Variants in SEC31A observed in about 807,000 individuals in gnomAD.
SEC31A encodes SEC31 homolog A, COPII component.
Under a neutral mutation model 151.0 loss-of-function variants are expected in SEC31A, and 70 were observed. The observed-to-expected ratio is 0.46, with a 90% confidence interval of 0.38 to 0.57. The LOEUF (loss-of-function observed/expected upper bound fraction) is 0.57, where lower values mean the gene tolerates loss of function less well. Ranked by LOEUF, SEC31A falls within the 20% of genes least tolerant of loss-of-function variation. The pLI is 0.00. For missense variants in SEC31A, 1,330 were observed against 1,471.2 expected, an observed-to-expected ratio of 0.90 and a Z score of 1.57; for synonymous variants, 475 against 505.9, an observed-to-expected ratio of 0.94 and a Z score of 0.82.
chr4:82,849,570 T>C (rs4267725), intron 19 of SEC31A, among the ~76,000 whole-genome samples: 146,657 of 147,082 alleles, frequency 1, 73,117 homozygotes, highest in Non-Finnish European at 1. Context: ...GCTGAGAACA[T>C]ACCACTGCAC....
intron 10 of SEC31A, among the ~76,000 whole-genome samples, 175 bp downstream of exon 10, chr4:82,866,633 A>G (rs540409514): frequency 2.0e-4 from 31 of 152,372 alleles, no homozygotes; most frequent in African/African-American, 7.2e-4. Context: ...AAAAAGGGAA[A>G]AAAAAGAGTA....
chr4:82,837,197 ATAATT>A lies in SEC31A; in HGVS notation c.2968+4938_2968+4942del, dbSNP rs1489688811. On this transcript the variant is annotated intron_variant, in intron 22 of 26. Transcript: ENST00000395310. ...TATATATATATATATATATATATAT[ATAATT>A]TCACCACAATAAAAACTTTAATGCA... Among the ~76,000 whole-genome samples, 7 of 55,692 alleles carry A rather than the reference ATAATT, an allele frequency of 1.3e-4. No homozygotes were observed. In the South Asian group the frequency reaches 1.9e-3, roughly 15 times the overall value. The allele number at this position is 55,692 out of a possible 152,430, so 36.5% of individuals were successfully genotyped here.
chr4:82,890,661 T>C (rs764879644), intron 1 of SEC31A: 94 of 799,138 alleles, frequency 1.2e-4, no homozygotes, highest in Non-Finnish European at 1.4e-4. Context: ...CCTTTAAATC[T>C]GGCAATAGTT....
chr4:82,822,959 G>A (rs1723693661), intron 25 of SEC31A, among the ~76,000 whole-genome samples: 2 of 151,882 alleles, frequency 1.3e-5, no homozygotes, highest in Admixed American at 1.3e-4. Context: ...GGCAACAAGA[G>A]TGAAACTCCG....
chr4:82,880,657 C>T (rs1015584617), intron 3 of SEC31A, 142 bp downstream of exon 3: 1 of 676,486 alleles, frequency 1.5e-6, no homozygotes, highest in Non-Finnish European at 2.3e-6. Flanking sequence ...TAAAAATTCA[C>T]TCACATGCTT....
chr4:82,880,494 C>T (rs1739029637), intron 3 of SEC31A, among the ~76,000 whole-genome samples: 2 of 151,068 alleles, frequency 1.3e-5, no homozygotes, highest in Admixed American at 6.6e-5. Context: ...GAGGCTGAGG[C>T]ACAAGAATTG....
At chr4:82,846,426 T>C (rs1340618255) in intron 20 of SEC31A, among the ~76,000 whole-genome samples, 1 of 147,200 alleles carries the variant, frequency 6.8e-6, no homozygotes, top group Non-Finnish European at 1.5e-5. Context: ...TTGAATAACA[T>C]GGGTTTCAAC....
chr4:82,818,773 A>G lies in SEC31A; in HGVS notation c.*301T>C. On this transcript the variant is annotated 3_prime_UTR_variant, in exon 27 of 27. Transcript: ENST00000395310. Reference sequence around the variant, plus strand: ...CAGATGCTCCTTTTCTAAAAAGTATATTGAGGTTTTAAAAAACACATTTAT... The same window carrying G: ...CAGATGCTCCTTTTCTAAAAAGTATGTTGAGGTTTTAAAAAACACATTTAT... 1 of 217,016 alleles carries G rather than the reference A, an allele frequency of 4.6e-6. No homozygotes were observed. Among genetic ancestry groups the G allele is most frequent in the Non-Finnish European group, 9.0e-6 (1 of 111,628 alleles). 13.4% of individuals were successfully genotyped at this position (217,016 alleles called of 1,614,324 possible).
intron 4 of SEC31A, among the ~76,000 whole-genome samples, chr4:82,876,952 C>T (rs972449247): frequency 6.6e-5 from 10 of 152,176 alleles, no homozygotes; most frequent in African/African-American, 1.9e-4. Context: ...ACTATAGAAA[C>T]GAAGGCTGGG....
chr4:82,870,725 C>CA (rs1474473053), intron 7 of SEC31A, among the ~76,000 whole-genome samples: 1 of 151,476 alleles, frequency 6.6e-6, no homozygotes, highest in Non-Finnish European at 1.5e-5. Flanking sequence ...AAAAGAAAAA[C>CA]AAAAAAAGAA....
chr4:82,861,463 T>C (rs547523893), intron 14 of SEC31A, among the ~76,000 whole-genome samples, 168 bp downstream of exon 14: 1 of 152,322 alleles, frequency 6.6e-6, no homozygotes, highest in African/African-American at 2.4e-5. Flanking sequence ...CTGGAGATGA[T>C]ACTTCTGTCA....
intron 14 of SEC31A, among the ~76,000 whole-genome samples, chr4:82,858,328 G>A (rs537349444): frequency 6.6e-5 from 10 of 150,542 alleles, no homozygotes; most frequent in African/African-American, 2.4e-4. Context: ...GGCAGATCAC[G>A]AGGTCGGGAG....
intron 4 of SEC31A, among the ~76,000 whole-genome samples, chr4:82,877,018 A>T (rs1195149296): frequency 1.3e-5 from 2 of 152,046 alleles, no homozygotes. Context: ...CAGACAGACC[A>T]CTTGAGCCCA....
At position 82,848,449 on chromosome 4, in the gene SEC31A, A is replaced by C. The variant is rs539594982; in HGVS notation, c.2502+355T>G. Among the ~76,000 whole-genome samples the C allele has an allele frequency of 1.3e-3, 205 of 152,314 alleles. 1 individual carries two copies. The highest frequency in any genetic ancestry group is 0.013 in the South Asian group (63 of 4,828). Reference sequence around the variant, plus strand: ...CTAAAAATATTTTATAAAACAACCAAATCACCAAGATTTTTCCTGCTACTT... The same window carrying C: ...CTAAAAATATTTTATAAAACAACCACATCACCAAGATTTTTCCTGCTACTT... On this transcript the variant is annotated intron_variant, in intron 20 of 26. Transcript: ENST00000395310.
At chr4:82,866,234 G>A (rs1266225929) in intron 10 of SEC31A, among the ~76,000 whole-genome samples, 1 of 152,066 alleles carries the variant, frequency 6.6e-6, no homozygotes, top group Non-Finnish European at 1.5e-5. Context: ...ACTTTGGGAG[G>A]CCGAAGCGGG....
At chr4:82,842,688 C>A in intron 21 of SEC31A, 1 of 512,804 alleles carries the variant, frequency 2.0e-6, no homozygotes, top group Non-Finnish European at 3.4e-6. Context: ...TTGAAAAATG[C>A]CATCCCCAAA....
At chr4:82,894,185 C>T (rs1457449465), upstream of SEC31A, 1 of 152,214 alleles carries the variant, frequency 6.6e-6, no homozygotes, top group Admixed American at 6.5e-5. Context: ...AGCAAAATGC[C>T]TTGAGCATTC....
chr4:82,872,197 G>C, intron 6 of SEC31A, 111 bp from the exon 7 acceptor site: 1 of 603,426 alleles, frequency 1.7e-6, no homozygotes. Flanking sequence ...ATCAGCTGTG[G>C]CTTATTTTAT....
At chr4:82,871,763 T>C (rs1475982178) in intron 7 of SEC31A, 181 bp downstream of exon 7, 2 of 661,024 alleles carry the variant, frequency 3.0e-6, no homozygotes, top group South Asian at 2.2e-5. Flanking sequence ...CGTTTGAACC[T>C]GGGAGGCAGA....
Sources: allele counts gnomAD v4.1 joint callset (sites outside exome capture counted in the v4.1 genomes callset), GRCh38; gene constraint gnomAD v4.1.1; transcripts MANE v1.5; gene names NCBI Gene and HGNC (gene_info 2026-07-23, HGNC 2026-07-21).